LOC122539214: variants seen among roughly 807,000 people sequenced by gnomAD.
chr19:52,687,595 TAA>T, the LOC122539214 span, among the ~76,000 whole-genome samples: 1 of 33,262 alleles, frequency 3.0e-5, no homozygotes, highest in African/African-American at 3.1e-4. Flanking sequence ...TATATATATA[TAA>T]TGTATATATA....
chr19:52,684,426 A>G, the LOC122539214 span, among the ~76,000 whole-genome samples: 17 of 151,902 alleles, frequency 1.1e-4, no homozygotes, highest in Admixed American at 9.8e-4. Flanking sequence ...GCACACCCCT[A>G]TAATCCCAGC....
chr19:52,687,381 T>TTA, the LOC122539214 span, among the ~76,000 whole-genome samples: 92 of 35,796 alleles, frequency 2.6e-3, 30 homozygotes, highest in African/African-American at 0.03. Flanking sequence ...AAATTATAAT[T>TTA]TATATATATA....
At chr19:52,683,853 G>A in the LOC122539214 span, among the ~76,000 whole-genome samples, 1 of 152,154 alleles carries the variant, frequency 6.6e-6, no homozygotes, top group Non-Finnish European at 1.5e-5. Flanking sequence ...CAACCCCAGA[G>A]TAGGTGCTGC....
At chr19:52,675,229 C>G in the LOC122539214 span, among the ~76,000 whole-genome samples, 1 of 152,184 alleles carries the variant, frequency 6.6e-6, no homozygotes, top group African/African-American at 2.4e-5. Flanking sequence ...CAAATAAGGA[C>G]ACCAGGCCCA....
chr19:52,654,261 A>G, the LOC122539214 span: 1 of 1,560,524 alleles, frequency 6.4e-7, no homozygotes. Flanking sequence ...ACTCAAAGTC[A>G]TGAATATCTT....
At chr19:52,680,696 T>C in the LOC122539214 span, among the ~76,000 whole-genome samples, 1 of 132,710 alleles carries the variant, frequency 7.5e-6, no homozygotes, top group Non-Finnish European at 1.5e-5. Flanking sequence ...CACTGCAAGC[T>C]CCGCCTCCCG....
the LOC122539214 span, among the ~76,000 whole-genome samples, chr19:52,680,080 G>A: frequency 6.6e-6 from 1 of 152,114 alleles, no homozygotes; most frequent in African/African-American, 2.4e-5. Flanking sequence ...TTGAGAGGCT[G>A]AAGGAGGAGA....
the LOC122539214 span, among the ~76,000 whole-genome samples, chr19:52,667,825 T>C: frequency 6.6e-6 from 1 of 152,210 alleles, no homozygotes; most frequent in African/African-American, 2.4e-5. Flanking sequence ...TAAATATGTC[T>C]ACAAGGTTTT....
the LOC122539214 span, among the ~76,000 whole-genome samples, chr19:52,683,971 C>T: frequency 6.6e-6 from 1 of 152,094 alleles, no homozygotes; most frequent in Admixed American, 6.6e-5. Flanking sequence ...CAGTGACTCC[C>T]GTCTGCAATT....
chr19:52,687,660 GTA>G, the LOC122539214 span, among the ~76,000 whole-genome samples: 2 of 12,522 alleles, frequency 1.6e-4, no homozygotes, highest in Admixed American at 6.9e-4. Context: ...TATATATAAT[GTA>G]TATATATATA....
At chr19:52,655,366 T>G in the LOC122539214 span, 1 of 531,776 alleles carries the variant, frequency 1.9e-6, no homozygotes, top group Non-Finnish European at 3.3e-6. Flanking sequence ...AATGTTCTGT[T>G]TTTATGTAAA....
At chr19:52,652,763 TAA>T in the LOC122539214 span, 2 of 811,126 alleles carry the variant, frequency 2.5e-6, no homozygotes, top group Non-Finnish European at 4.1e-6. Flanking sequence ...TGATGATGAA[TAA>T]GTGATGACTG....
At chr19:52,668,293 C>T in the LOC122539214 span, among the ~76,000 whole-genome samples, 1 of 152,264 alleles carries the variant, frequency 6.6e-6, no homozygotes, top group East Asian at 1.9e-4. Flanking sequence ...ACACATCACA[C>T]CTGAGTCAAG....
At chr19:52,683,586 GA>G in the LOC122539214 span, among the ~76,000 whole-genome samples, 1 of 151,322 alleles carries the variant, frequency 6.6e-6, no homozygotes, top group Non-Finnish European at 1.5e-5. Context: ...GCAGAGCATG[GA>G]AGACCTGGGA....
chr19:52,677,306 TAAAAAAAAAAAA>T, the LOC122539214 span, among the ~76,000 whole-genome samples: 7 of 106,464 alleles, frequency 6.6e-5, no homozygotes, highest in African/African-American at 2.2e-4. Context: ...AATTGAGAAG[TAAAAAAAAAAAA>T]AAAAAAAAAA....
chr19:52,653,348 G>A, the LOC122539214 span: 1 of 1,218,536 alleles, frequency 8.2e-7, no homozygotes, highest in South Asian at 1.2e-5. Flanking sequence ...CTCTGATGTT[G>A]TGCAAGGTAT....
the LOC122539214 span, among the ~76,000 whole-genome samples, chr19:52,675,623 T>C: frequency 2.0e-5 from 3 of 152,124 alleles, no homozygotes; most frequent in Non-Finnish European, 4.4e-5. Flanking sequence ...ATTGGGGTGT[T>C]CAGCATTACA....
the LOC122539214 span, among the ~76,000 whole-genome samples, chr19:52,676,250 C>T: frequency 6.6e-6 from 1 of 152,170 alleles, no homozygotes; most frequent in South Asian, 2.1e-4. Context: ...CCCGAGGTGC[C>T]GGGATTGCAG....
chr19:52,675,044 C>G, the LOC122539214 span, among the ~76,000 whole-genome samples: 1 of 152,160 alleles, frequency 6.6e-6, no homozygotes, highest in Non-Finnish European at 1.5e-5. Flanking sequence ...TCTGACAAGA[C>G]AGTGAAATGA....
Sources: allele counts gnomAD v4.1 joint callset (sites outside exome capture counted in the v4.1 genomes callset), GRCh38; gene constraint gnomAD v4.1.1; transcripts MANE v1.5.